Variants in FBXL2 observed in about 807,000 individuals in gnomAD.
FBXL2 encodes the protein F-box/LRR-repeat protein 2.
A neutral mutation model predicts 69.2 loss-of-function variants in FBXL2; 38 were observed. The observed-to-expected ratio is 0.55, with a 90% CI of 0.42 to 0.72. The LOEUF (loss-of-function observed/expected upper bound fraction) is 0.72. FBXL2 is among the 30% of genes least tolerant of loss of function. The pLI, the probability that FBXL2 is intolerant of heterozygous loss-of-function variation, is 0.00. For synonymous variants in FBXL2, 192 were observed against 201.3 expected (o/e 0.95, Z 0.39); for missense variants, 354 against 520.3 (o/e 0.68, Z 3.11).
chr3:33,277,608 C>T, intron 1 of FBXL2, 93 bp downstream of exon 1: 1 of 1,206,446 alleles, frequency 8.3e-7, no homozygotes. Context: ...GGGCAGGCGG[C>T]GCAGGGGTCG....
intron 7 of FBXL2, 77 bp from the exon 8 acceptor site, chr3:33,373,501 A>G (rs1175432809): frequency 6.2e-7 from 1 of 1,600,438 alleles, no homozygotes. Flanking sequence ...ATTTCTTGTG[A>G]TGTACTAAAC....
At chr3:33,393,526 G>A (rs949830082) in intron 12 of FBXL2, 12 of 1,480,116 alleles carry the variant, frequency 8.1e-6, no homozygotes, top group South Asian at 5.3e-5. Context: ...TGATCTGTAG[G>A]ATCTGTACGA....
In FBXL2 at chr3:33,378,684, G is replaced by C. The variant is rs1410659113; in HGVS notation, c.895-1G>C. The stretch of plus-strand genomic sequence containing the variant: ...CACTGACACAGCATGTTTCTCTCCA[G>C]ATAACCGACAGCACACTCATCCAGC... On this transcript the variant is annotated splice_acceptor_variant, in intron 12 of 14. Coordinates refer to ENST00000484457, the MANE Select transcript of FBXL2 (RefSeq NM_012157.5). LOFTEE classifies it high-confidence loss of function. 6.2e-7 allele frequency: 1 copy of C among 1,612,378 alleles called. No homozygotes were observed. The highest frequency in any genetic ancestry group is 1.7e-5 in the Admixed American group (1 of 59,730).
chr3:33,315,432 A>G (rs1018818395), intron 2 of FBXL2, among the ~76,000 whole-genome samples: 1 of 150,564 alleles, frequency 6.6e-6, no homozygotes, highest in East Asian at 1.9e-4. Flanking sequence ...TGTATTATCA[A>G]TGCAAATGTC....
downstream of FBXL2, chr3:33,391,244 T>C (rs1410354747): frequency 6.6e-6 from 1 of 152,208 alleles, no homozygotes; most frequent in Non-Finnish European, 1.5e-5. Flanking sequence ...ACATGACATC[T>C]CCCTCTTCTA....
the FBXL2 span, chr3:33,411,508 G>GT: frequency 8.0e-7 from 1 of 1,242,450 alleles, no homozygotes; most frequent in Non-Finnish European, 1.2e-6. Context: ...AAATGATACT[G>GT]TATCAAAAAT....
chr3:33,389,247 T>C (rs942375724), downstream of FBXL2: 1 of 152,642 alleles, frequency 6.6e-6, no homozygotes, highest in African/African-American at 2.4e-5. Context: ...TATCCATGAT[T>C]GTACTAAAGC....
intron 2 of FBXL2, among the ~76,000 whole-genome samples, chr3:33,321,537 A>G (rs770020339): frequency 3.9e-5 from 6 of 152,172 alleles, no homozygotes; most frequent in Non-Finnish European, 8.8e-5. Context: ...GTTGGAGAGG[A>G]TGAAGATTCT....
At chr3:33,304,257 A>G (rs750373233) in intron 2 of FBXL2, among the ~76,000 whole-genome samples, 2 of 152,088 alleles carry the variant, frequency 1.3e-5, no homozygotes, top group Non-Finnish European at 2.9e-5. Flanking sequence ...ATGTACATAA[A>G]TGCTGCCCCT....
Position 33,386,239 on chromosome 3 carries a change from A to G in FBXL2, c.*631A>G, listed in dbSNP as rs1185057459. 6.5e-6 allele frequency: 1 copy of G among 154,104 alleles called. No individual in the cohort carries two copies. The highest frequency in any genetic ancestry group is 2.4e-5 in the African/African-American group (1 of 41,454). The allele number at this position is 154,104 out of a possible 1,614,324, so 9.5% of individuals were successfully genotyped here. Reference sequence around the variant, plus strand: ...GGGTCTTCACCTTTTTGTTTCTGTCAACTTGTCATATACACCTCCAGGGAC... The same window carrying G: ...GGGTCTTCACCTTTTTGTTTCTGTCGACTTGTCATATACACCTCCAGGGAC... On this transcript the variant is annotated 3_prime_UTR_variant, in exon 15 of 15. Coordinates refer to ENST00000484457, the MANE Select transcript of FBXL2 (RefSeq NM_012157.5).
intron 12 of FBXL2, chr3:33,396,279 A>C: frequency 6.4e-7 from 1 of 1,572,570 alleles, no homozygotes; most frequent in Non-Finnish European, 8.7e-7. Flanking sequence ...GGTCTAACCG[A>C]CCTGCAATCA....
At chr3:33,369,550 T>C (rs2042160107) in intron 5 of FBXL2, among the ~76,000 whole-genome samples, 1 of 152,158 alleles carries the variant, frequency 6.6e-6, no homozygotes, top group Non-Finnish European at 1.5e-5. Context: ...TTACATAAAC[T>C]TCATAATAGA....
downstream of FBXL2, among the ~76,000 whole-genome samples, chr3:33,406,048 A>T (rs1314799718): frequency 6.6e-6 from 1 of 152,220 alleles, no homozygotes; most frequent in Non-Finnish European, 1.5e-5. Flanking sequence ...CTTTGAATAA[A>T]CTTATTGCAT....
At chr3:33,310,861 G>A (rs939923475) in intron 2 of FBXL2, among the ~76,000 whole-genome samples, 6 of 151,934 alleles carry the variant, frequency 3.9e-5, no homozygotes, top group Admixed American at 2.0e-4. Flanking sequence ...TGTAACCTCC[G>A]CCTCCTGGGT....
the FBXL2 span, chr3:33,411,811 T>C: frequency 9.5e-6 from 7 of 734,570 alleles, no homozygotes; most frequent in Non-Finnish European, 1.6e-5. Context: ...TTCAATGGTC[T>C]CCATGATCAA....
chr3:33,352,563 C>T (rs2040896829), intron 2 of FBXL2, among the ~76,000 whole-genome samples: 1 of 152,160 alleles, frequency 6.6e-6, no homozygotes, highest in Non-Finnish European at 1.5e-5. Flanking sequence ...TAATAAAGGA[C>T]TTGTGTGCAA....
chr3:33,280,056 T>C (rs1307833526), intron 1 of FBXL2, among the ~76,000 whole-genome samples: 1 of 152,236 alleles, frequency 6.6e-6, no homozygotes, highest in Non-Finnish European at 1.5e-5. Context: ...TGAGCACTTA[T>C]AAATGACTTG....
At chr3:33,298,211 A>G (rs1337869879) in intron 2 of FBXL2, among the ~76,000 whole-genome samples, 1 of 152,222 alleles carries the variant, frequency 6.6e-6, no homozygotes, top group African/African-American at 2.4e-5. Context: ...TGAGAAGTAT[A>G]AGTGACAGTA....
chr3:33,303,509 G>T (rs2036464316), intron 2 of FBXL2, among the ~76,000 whole-genome samples: 1 of 152,108 alleles, frequency 6.6e-6, no homozygotes, highest in Non-Finnish European at 1.5e-5. Context: ...GAGATGCCAT[G>T]AAACATCAAT....
Sources: gnomAD v4.1 joint callset for allele counts (sites outside exome capture counted in the v4.1 genomes callset) on GRCh38, gnomAD v4.1.1 for gene constraint, MANE v1.5 for transcripts, NCBI Gene and HGNC (gene_info 2026-07-23, HGNC 2026-07-21) for gene names.